Variants in EDIL3 observed in about 807,000 individuals in gnomAD.
The protein encoded by EDIL3 is EGF like and discoidin domains 3.
EDIL3 carries 37 observed loss-of-function variants against 67.4 expected under a neutral mutation model. The ratio of observed to expected loss-of-function variants is 0.55; its 90% CI spans 0.42 to 0.72. EDIL3 has a LOEUF of 0.72. EDIL3 is among the 30% of genes least tolerant of loss of function. The pLI, the probability that EDIL3 is intolerant of heterozygous loss-of-function variation, is 0.00. For missense variants in EDIL3, 527 were observed against 586.3 expected, an observed-to-expected ratio of 0.90 and a Z score of 1.04; for synonymous variants, 195 against 196.3, an observed-to-expected ratio of 0.99 and a Z score of 0.05.
chr5:84,269,719 CT>C, intron 1 of EDIL3, among the ~76,000 whole-genome samples: 1 of 152,054 alleles, frequency 6.6e-6, no homozygotes. Context: ...GCTCTTAGAG[CT>C]TTATTCTGGA....
intron 1 of EDIL3, among the ~76,000 whole-genome samples, chr5:84,306,992 A>C (rs1346030986): frequency 2.0e-5 from 3 of 152,244 alleles, no homozygotes; most frequent in Admixed American, 2.0e-4. Context: ...TTATTATTCC[A>C]GTATAATCAA....
At chr5:84,024,127 A>C (rs1478779435) in intron 9 of EDIL3, among the ~76,000 whole-genome samples, 1 of 152,182 alleles carries the variant, frequency 6.6e-6, no homozygotes, top group Non-Finnish European at 1.5e-5. Context: ...AAAATTTGTA[A>C]GTATACTTCA....
chr5:84,241,959 G>A (rs1051770390), intron 2 of EDIL3, among the ~76,000 whole-genome samples: 8 of 151,218 alleles, frequency 5.3e-5, no homozygotes, highest in Admixed American at 3.3e-4. Flanking sequence ...GGTGGCTCAC[G>A]CCTGTAATCC....
At chr5:84,089,323 T>G (rs1479443058) in intron 6 of EDIL3, among the ~76,000 whole-genome samples, 1 of 152,234 alleles carries the variant, frequency 6.6e-6, no homozygotes, top group Non-Finnish European at 1.5e-5. Flanking sequence ...TCCAAGTTAA[T>G]CAAAAAGCCG....
At chr5:84,316,721 G>A (rs1746520642) in intron 1 of EDIL3, among the ~76,000 whole-genome samples, 1 of 152,032 alleles carries the variant, frequency 6.6e-6, no homozygotes, top group Admixed American at 6.5e-5. Flanking sequence ...AATTAACAAG[G>A]ATATCCAGGG....
chr5:84,079,504 C>T (rs975637441), intron 6 of EDIL3, among the ~76,000 whole-genome samples: 4 of 151,936 alleles, frequency 2.6e-5, no homozygotes, highest in Non-Finnish European at 5.9e-5. Flanking sequence ...GGAGAATCAC[C>T]GTTTTGTGAC....
intron 9 of EDIL3, among the ~76,000 whole-genome samples, chr5:84,041,788 G>A (rs953422525): frequency 6.6e-6 from 1 of 151,520 alleles, no homozygotes; most frequent in African/African-American, 2.4e-5. Context: ...TTCCCACATC[G>A]TAAGGCATAT....
Position 84,085,536 on chromosome 5 carries a change from T to C in EDIL3, c.652-18930A>G, listed in dbSNP as rs532055699. 5.9e-5 allele frequency among the ~76,000 whole-genome samples: 9 copies of C among 152,340 alleles called. No individual in the cohort carries two copies. The East Asian group carries it at 1.5e-3, about 26-fold the overall frequency. ...CAGAACAGCAAAGACTGCTGCCTGC[T>C]TCTTCCTCTGGAAGCTTTGTCCCAG... On this transcript the variant is annotated intron_variant, in intron 6 of 10. Transcript: ENST00000296591.
intron 1 of EDIL3, among the ~76,000 whole-genome samples, chr5:84,348,003 C>T (rs911838105): frequency 6.6e-6 from 1 of 152,180 alleles, no homozygotes; most frequent in South Asian, 2.1e-4. Flanking sequence ...AGATTCAATT[C>T]CAGGTACTGG....
chr5:84,324,769 T>A (rs142829037), intron 1 of EDIL3, among the ~76,000 whole-genome samples: 2 of 151,750 alleles, frequency 1.3e-5, no homozygotes, highest in Non-Finnish European at 2.9e-5. Context: ...TATGAGACTA[T>A]AGTTAAGAAT....
chr5:84,372,668 C>T lies in EDIL3; in HGVS notation c.67+11640G>A, dbSNP rs538414448. ...TAAGTGTGCTACAGTGAAAAGATTC[C>T]TCGATTTGGATCTATAAGACCTAGT... On this transcript the variant is annotated intron_variant, in intron 1 of 10. Coordinates refer to ENST00000296591, the MANE Select transcript of EDIL3 (RefSeq NM_005711.5). 2.0e-5 allele frequency among the ~76,000 whole-genome samples: 3 copies of T among 152,198 alleles called. No individual in the cohort carries two copies. The East Asian group carries it at 5.8e-4, about 29-fold the overall frequency.
chr5:84,355,943 C>T (rs1747470466), intron 1 of EDIL3, among the ~76,000 whole-genome samples: 1 of 152,162 alleles, frequency 6.6e-6, no homozygotes, highest in Non-Finnish European at 1.5e-5. Context: ...ATTATAAGCC[C>T]CTGACTTGGG....
At chr5:83,976,988 C>T (rs937942197) in intron 9 of EDIL3, among the ~76,000 whole-genome samples, 4 of 151,698 alleles carry the variant, frequency 2.6e-5, no homozygotes. Flanking sequence ...TATCTCTTCT[C>T]CTGTCATTAG....
intron 6 of EDIL3, among the ~76,000 whole-genome samples, chr5:84,097,309 C>T (rs1375243274): frequency 1.2e-4 from 18 of 152,102 alleles, no homozygotes; most frequent in South Asian, 4.1e-4. Context: ...AATTAACTTT[C>T]GAAAGAAAAA....
intron 2 of EDIL3, among the ~76,000 whole-genome samples, chr5:84,245,733 A>T (rs922572281): frequency 1.3e-5 from 2 of 152,102 alleles, no homozygotes; most frequent in Non-Finnish European, 2.9e-5. Context: ...CTTTCCAGAG[A>T]TTAATGCTAA....
At chr5:84,156,463 A>G (rs771695255) in intron 4 of EDIL3, among the ~76,000 whole-genome samples, 1 of 152,182 alleles carries the variant, frequency 6.6e-6, no homozygotes, top group African/African-American at 2.4e-5. Flanking sequence ...TAGAAATGCC[A>G]AAATTCACTG....
intron 6 of EDIL3, among the ~76,000 whole-genome samples, chr5:84,079,274 T>A (rs1746920585): frequency 2.0e-5 from 3 of 152,070 alleles, no homozygotes; most frequent in Admixed American, 2.0e-4. Flanking sequence ...CCCTGAGTTC[T>A]GTGAGGCATC....
At chr5:84,276,691 C>T (rs766407331) in intron 1 of EDIL3, among the ~76,000 whole-genome samples, 1 of 152,022 alleles carries the variant, frequency 6.6e-6, no homozygotes, top group African/African-American at 2.4e-5. Flanking sequence ...GCCTCAGACT[C>T]TGGAGTAGCT....
At chr5:84,378,251 T>C (rs1447002319) in intron 1 of EDIL3, among the ~76,000 whole-genome samples, 1 of 152,182 alleles carries the variant, frequency 6.6e-6, no homozygotes, top group East Asian at 1.9e-4. Flanking sequence ...AAATAATGTA[T>C]ACATTTCACT....
Sources: gnomAD v4.1 joint callset for allele counts (sites outside exome capture counted in the v4.1 genomes callset) on GRCh38, gnomAD v4.1.1 for gene constraint, MANE v1.5 for transcripts, NCBI Gene and HGNC (gene_info 2026-07-23, HGNC 2026-07-21) for gene names.